Variants in RALGPS2 observed in about 807,000 individuals in gnomAD.
RALGPS2 encodes the protein ras-specific guanine nucleotide-releasing factor RalGPS2.
In RALGPS2, 43 loss-of-function variants were observed where a neutral mutation model predicts 86.8. That is an observed-to-expected ratio of 0.50 (90% CI 0.39 to 0.64). The LOEUF is 0.64. Among genes scored for constraint, RALGPS2 ranks in the 30% least tolerant of loss-of-function variants. The probability of loss-of-function intolerance (pLI) is 0.00; values close to 1 mark genes in which losing one functional copy is unlikely to be tolerated. For synonymous variants in RALGPS2, 243 were observed against 231.3 expected, an observed-to-expected ratio of 1.05 and a Z score of -0.46; for missense variants, 536 against 694.6, an observed-to-expected ratio of 0.77 and a Z score of 2.57.
At chr1:178,876,026 C>T (rs895259069) in intron 8 of RALGPS2, among the ~76,000 whole-genome samples, 4 of 152,048 alleles carry the variant, frequency 2.6e-5, no homozygotes, top group Non-Finnish European at 5.9e-5. Context: ...TGATAGGTGA[C>T]TTAAAGAATA....
rs2102436070 is a variant in RALGPS2 at position 178,921,734 on chromosome 1, T to G, written c.*5375T>G. On this transcript the variant is annotated 3_prime_UTR_variant, in exon 20 of 20. Transcript: ENST00000367635. Reference sequence around the variant, plus strand: ...TCTCACTTTTTGTTTCTTTTTAATATGCAAATGTGAGTGTGCGATCTTCAG... The same window carrying G: ...TCTCACTTTTTGTTTCTTTTTAATAGGCAAATGTGAGTGTGCGATCTTCAG... The G allele has an allele frequency of 6.6e-6, 1 of 152,212 alleles. No homozygotes were observed. The highest frequency in any genetic ancestry group is 2.1e-4 in the South Asian group (1 of 4,832). The allele number at this position is 152,212 out of a possible 1,614,324, so 9.4% of individuals were successfully genotyped here.
At chr1:178,851,593 A>G (rs566677468) in intron 8 of RALGPS2, among the ~76,000 whole-genome samples, 2 of 152,288 alleles carry the variant, frequency 1.3e-5, no homozygotes, top group East Asian at 3.9e-4. Flanking sequence ...AGATGCAAGC[A>G]GTGTTTATAT....
At chr1:178,826,508 A>G (rs1031666202) in intron 7 of RALGPS2, among the ~76,000 whole-genome samples, 1 of 152,178 alleles carries the variant, frequency 6.6e-6, no homozygotes, top group African/African-American at 2.4e-5. Context: ...TAGAGTAATC[A>G]AATTCATACA....
chr1:178,791,439 A>G (rs1653953390), intron 4 of RALGPS2, among the ~76,000 whole-genome samples: 3 of 152,074 alleles, frequency 2.0e-5, no homozygotes, highest in Admixed American at 2.0e-4. Flanking sequence ...AACTATTTAA[A>G]TCAATGCTCA....
chr1:178,868,624 G>T (rs1658562464), intron 8 of RALGPS2, among the ~76,000 whole-genome samples: 1 of 151,908 alleles, frequency 6.6e-6, no homozygotes, highest in South Asian at 2.1e-4. Flanking sequence ...TTGCATCAGT[G>T]TTGTCATTGA....
At chr1:178,871,902 T>C (rs1183865181) in intron 8 of RALGPS2, among the ~76,000 whole-genome samples, 1 of 152,152 alleles carries the variant, frequency 6.6e-6, no homozygotes, top group Admixed American at 6.5e-5. Context: ...TGAAATAAGG[T>C]GGTGGAAGAA....
At chr1:178,867,334 A>G (rs989969466) in intron 8 of RALGPS2, among the ~76,000 whole-genome samples, 1 of 152,144 alleles carries the variant, frequency 6.6e-6, no homozygotes, top group Non-Finnish European at 1.5e-5. Context: ...AGAGTCACAC[A>G]GGTTCATAGT....
Position 178,883,513 on chromosome 1 carries a change from C to T in RALGPS2, c.884C>T (p.Ala295Val). 1 of 1,613,230 alleles carries T rather than the reference C, an allele frequency of 6.2e-7. No individual in the cohort carries two copies. The part of the protein sequence containing the change: ...EPGTSTPRSA[A>V]SREDLVGPEV... ...GGGACAAGCACCCCACGTTCTGCTGCTTCCAGAGAAGATTTAGTAGGTCAG... is the reference window on the plus strand; with the variant it reads ...GGGACAAGCACCCCACGTTCTGCTGTTTCCAGAGAAGATTTAGTAGGTCAG... The change falls in exon 11 of 20, where the codon GCT (alanine) becomes GTT (valine). Residue 295 changes from alanine to valine, a missense_variant. Around this residue, in one of 3 missense-constraint regions of RALGPS2, gnomAD observed 309 missense variants for 363.0 expected, o/e 0.85. Transcript: ENST00000367635.
At chr1:178,736,061 CAT>C (rs1389365714) in intron 1 of RALGPS2, among the ~76,000 whole-genome samples, 4 of 152,000 alleles carry the variant, frequency 2.6e-5, no homozygotes, top group African/African-American at 7.2e-5. Context: ...TTATGGTGTA[CAT>C]GTTTGTTTCT....
At chr1:178,851,604 G>A (rs1210956449) in intron 8 of RALGPS2, among the ~76,000 whole-genome samples, 2 of 152,068 alleles carry the variant, frequency 1.3e-5, no homozygotes, top group Admixed American at 6.6e-5. Context: ...GTGTTTATAT[G>A]TGAAAGAGTT....
intron 1 of RALGPS2, among the ~76,000 whole-genome samples, chr1:178,727,018 A>T (rs890126496): frequency 6.6e-6 from 1 of 152,252 alleles, no homozygotes; most frequent in Non-Finnish European, 1.5e-5. Context: ...TTTAACAAAG[A>T]TAACCTCTAA....
At chr1:178,900,983 T>C (rs1660148641) in intron 17 of RALGPS2, among the ~76,000 whole-genome samples, 1 of 152,088 alleles carries the variant, frequency 6.6e-6, no homozygotes, top group Non-Finnish European at 1.5e-5. Context: ...AGTATTCATG[T>C]CGAAGTACAT....
At chr1:178,812,696 A>G (rs79574014) in intron 6 of RALGPS2, among the ~76,000 whole-genome samples, 5,474 of 152,302 alleles carry the variant, frequency 0.036, 120 homozygotes, top group African/African-American at 0.055. Context: ...CTTGTAATAA[A>G]TACGTAACTT....
intron 6 of RALGPS2, among the ~76,000 whole-genome samples, chr1:178,813,633 TATAA>T (rs1655095206): frequency 6.6e-6 from 1 of 152,204 alleles, no homozygotes; most frequent in Admixed American, 6.5e-5. Context: ...ATATAAAATG[TATAA>T]ATAGATTTTA....
chr1:178,855,713 C>T (rs1042303806), intron 8 of RALGPS2, among the ~76,000 whole-genome samples: 3 of 151,946 alleles, frequency 2.0e-5, no homozygotes, highest in African/African-American at 7.2e-5. Flanking sequence ...AAAATAGCTA[C>T]AACCACTACT....
intron 1 of RALGPS2, among the ~76,000 whole-genome samples, chr1:178,751,566 T>A (rs1250955550): frequency 6.6e-6 from 1 of 152,144 alleles, no homozygotes; most frequent in Non-Finnish European, 1.5e-5. Flanking sequence ...ACATTATTGA[T>A]AAATAATAAT....
chr1:178,782,753 A>T (rs1230426001), intron 2 of RALGPS2, among the ~76,000 whole-genome samples: 1 of 152,168 alleles, frequency 6.6e-6, no homozygotes, highest in Admixed American at 6.6e-5. Context: ...AGACTGTAAG[A>T]AGAGATTTCT....
intron 4 of RALGPS2, among the ~76,000 whole-genome samples, chr1:178,798,216 G>T (rs1654298950): frequency 1.3e-5 from 2 of 152,122 alleles, no homozygotes; most frequent in South Asian, 4.1e-4. Flanking sequence ...ACATAAAGAT[G>T]CAGTATTAAG....
intron 4 of RALGPS2, among the ~76,000 whole-genome samples, chr1:178,800,577 A>G (rs978671002): frequency 1.3e-5 from 2 of 152,240 alleles, no homozygotes; most frequent in South Asian, 2.1e-4. Flanking sequence ...CTGTAAGAAT[A>G]TAGTGTATTA....
Sources: gnomAD v4.1 joint callset for allele counts (sites outside exome capture counted in the v4.1 genomes callset) on GRCh38, gnomAD v4.1.1 for gene constraint, gnomAD v4.1.1 regional missense constraint, MANE v1.5 for transcripts, NCBI Gene and HGNC (gene_info 2026-07-23, HGNC 2026-07-21) for gene names.